ATG5: variants seen among roughly 807,000 people sequenced by gnomAD.
ATG5 encodes autophagy protein 5.
ATG5 carries 14 observed loss-of-function variants against 36.5 expected under a neutral mutation model. The observed-to-expected ratio is 0.38, with a 90% CI of 0.25 to 0.60. The LOEUF (loss-of-function observed/expected upper bound fraction) is 0.60, where lower values mean the gene tolerates loss of function less well. ATG5 is among the 20% of genes least tolerant of loss of function. The pLI, the probability that ATG5 is intolerant of heterozygous loss-of-function variation, is 0.60. For synonymous variants in ATG5, 95 were observed against 101.5 expected (o/e 0.94, Z 0.38); for missense variants, 195 against 326.7 (o/e 0.60, Z 3.11).
At chr6:106,269,384 G>T (rs937570307) in intron 5 of ATG5, among the ~76,000 whole-genome samples, 1 of 122,112 alleles carries the variant, frequency 8.2e-6, no homozygotes, top group Non-Finnish European at 1.7e-5. Flanking sequence ...GGAGCTGCCT[G>T]CCAGTCCCGC....
intron 4 of ATG5, among the ~76,000 whole-genome samples, chr6:106,286,910 C>T (rs923992792): frequency 1.3e-5 from 2 of 152,284 alleles, no homozygotes; most frequent in East Asian, 1.9e-4. Flanking sequence ...CAGTTAAGAA[C>T]GCAGCCCAGC....
At chr6:106,265,396 T>C (rs1779190193) in intron 5 of ATG5, among the ~76,000 whole-genome samples, 1 of 152,058 alleles carries the variant, frequency 6.6e-6, no homozygotes, top group African/African-American at 2.4e-5. Context: ...TCCCACACAA[T>C]AATAGTGGGG....
chr6:106,248,319 G>A, intron 5 of ATG5, 75 bp from the exon 6 acceptor site: 3 of 1,048,222 alleles, frequency 2.9e-6, no homozygotes, highest in Non-Finnish European at 4.3e-6. Context: ...AGAGATGAAA[G>A]TTTTAAATAT....
intron 6 of ATG5, among the ~76,000 whole-genome samples, chr6:106,228,372 T>C (rs1038070789): frequency 9.9e-5 from 15 of 152,164 alleles, no homozygotes; most frequent in African/African-American, 3.6e-4. Flanking sequence ...CGATCCCGAC[T>C]GGGCTAAAGA....
intron 2 of ATG5, among the ~76,000 whole-genome samples, chr6:106,313,549 A>G (rs1243028967): frequency 1.3e-5 from 2 of 152,232 alleles, no homozygotes; most frequent in African/African-American, 2.4e-5. Flanking sequence ...GTTTAAATGA[A>G]CATAAACGAA....
chr6:106,218,756 G>A (rs1350366331), intron 6 of ATG5, among the ~76,000 whole-genome samples: 2 of 152,148 alleles, frequency 1.3e-5, no homozygotes, highest in Non-Finnish European at 2.9e-5. Flanking sequence ...AAACATGTAT[G>A]CAGAGTCAGA....
At chr6:106,225,771 C>T (rs1057307259) in intron 6 of ATG5, among the ~76,000 whole-genome samples, 2 of 152,162 alleles carry the variant, frequency 1.3e-5, no homozygotes, top group African/African-American at 4.8e-5. Flanking sequence ...TGACTCAGAG[C>T]TCACTCAGTG....
intron 4 of ATG5, among the ~76,000 whole-genome samples, chr6:106,288,036 T>C (rs1414767623): frequency 6.6e-6 from 1 of 151,704 alleles, no homozygotes; most frequent in African/African-American, 2.4e-5. Flanking sequence ...AGTGGCATGG[T>C]CTCGGCTCAC....
chr6:106,260,768 A>C (rs1211906932), intron 5 of ATG5, among the ~76,000 whole-genome samples: 1 of 152,246 alleles, frequency 6.6e-6, no homozygotes, highest in Non-Finnish European at 1.5e-5. Flanking sequence ...CTAGCACTGC[A>C]ACAGAACTGC....
At chr6:106,261,021 G>C (rs1259788010) in intron 5 of ATG5, among the ~76,000 whole-genome samples, 2 of 152,168 alleles carry the variant, frequency 1.3e-5, no homozygotes, top group African/African-American at 4.8e-5. Context: ...ACTGATTGTT[G>C]AGTTAAAATG....
chr6:106,232,028 G>GA (rs1275018872), intron 6 of ATG5, among the ~76,000 whole-genome samples: 1 of 152,170 alleles, frequency 6.6e-6, no homozygotes, highest in African/African-American at 2.4e-5. Context: ...CGTGTCAAGG[G>GA]AATCACTGTA....
chr6:106,275,303 C>T (rs1246689696), intron 5 of ATG5, among the ~76,000 whole-genome samples: 12 of 152,242 alleles, frequency 7.9e-5, no homozygotes, highest in East Asian at 1.9e-4. Flanking sequence ...TAAAGATTTC[C>T]GAAATGAATA....
At chr6:106,217,225 A>G (rs190992708) in intron 6 of ATG5, among the ~76,000 whole-genome samples, 13 of 152,328 alleles carry the variant, frequency 8.5e-5, no homozygotes, top group African/African-American at 2.9e-4. Flanking sequence ...ATTGTATAGC[A>G]TCATGGTGAT....
chr6:106,287,727 C>T (rs1780135377), intron 4 of ATG5, among the ~76,000 whole-genome samples: 1 of 152,156 alleles, frequency 6.6e-6, no homozygotes, highest in South Asian at 2.1e-4. Flanking sequence ...ACTTTTGAAT[C>T]ACATTAACTC....
Position 106,297,523 on chromosome 6 carries a change from T to C in ATG5, c.237-4417A>G, listed in dbSNP as rs1266002497. 3.3e-5 allele frequency among the ~76,000 whole-genome samples: 5 copies of C among 152,234 alleles called. No homozygotes were observed. In the East Asian group the frequency reaches 7.7e-4, roughly 23 times the overall value. On this transcript the variant is annotated intron_variant, in intron 3 of 7. Transcript: ENST00000369076. Reference sequence around the variant, plus strand: ...AAACTAGAACCTCTCAGAGGTATATTTGAATGTATAAAAATTAATGAGCAA... The same window carrying C: ...AAACTAGAACCTCTCAGAGGTATATCTGAATGTATAAAAATTAATGAGCAA...
chr6:106,203,782 T>C (rs1489894687), intron 6 of ATG5, among the ~76,000 whole-genome samples: 2 of 152,216 alleles, frequency 1.3e-5, no homozygotes, highest in Non-Finnish European at 2.9e-5. Context: ...GGTCTCACTA[T>C]GTTGCCCAGG....
At chr6:106,305,161 C>T (rs1157589458) in intron 3 of ATG5, among the ~76,000 whole-genome samples, 2 of 151,204 alleles carry the variant, frequency 1.3e-5, no homozygotes, top group Non-Finnish European at 2.9e-5. Context: ...TCCCTTCTCA[C>T]ACAGAGTCTG....
chr6:106,285,358 A>AT (rs952193079), intron 4 of ATG5, among the ~76,000 whole-genome samples: 2 of 151,720 alleles, frequency 1.3e-5, no homozygotes, highest in Admixed American at 6.6e-5. Flanking sequence ...TGAGAGTAAA[A>AT]TTTTTTTTTA....
intron 7 of ATG5, among the ~76,000 whole-genome samples, chr6:106,198,438 T>C (rs1045347553): frequency 5.9e-5 from 9 of 152,186 alleles, no homozygotes; most frequent in African/African-American, 1.2e-4. Context: ...AAAAACTTGA[T>C]AGACAGGAAT....
Sources: allele counts gnomAD v4.1 joint callset (sites outside exome capture counted in the v4.1 genomes callset), GRCh38; gene constraint gnomAD v4.1.1; transcripts MANE v1.5; gene names NCBI Gene and HGNC (gene_info 2026-07-23, HGNC 2026-07-21).